Variants in SP110 observed in about 807,000 individuals in gnomAD.
SP110 encodes the protein SP110 nuclear body protein.
SP110 carries 62 observed loss-of-function variants against 92.7 expected under a neutral mutation model. The ratio of observed to expected loss-of-function variants is 0.67; its 90% CI spans 0.55 to 0.83. SP110 has a LOEUF of 0.83. SP110 is among the 40% of genes least tolerant of loss of function. The probability of loss-of-function intolerance (pLI) is 0.00; values close to 1 mark genes in which losing one functional copy is unlikely to be tolerated. For missense variants in SP110, 793 were observed against 863.9 expected (o/e 0.92, Z 1.03); for synonymous variants, 273 against 305.3 (o/e 0.89, Z 1.10).
rs1553839905 is a variant in SP110, at chr2:230,168,917, A to ATTTTTTTT, written c.*199_*206dup. On this transcript the variant is annotated 3_prime_UTR_variant, in exon 19 of 19. Transcript: ENST00000258381. ...ATCTGATGGTATTAAGGAAGTATTA[A>ATTTTTTTT]TTTTTTTTTTTTTTAGTGTAGATAT... The ATTTTTTTT allele has an allele frequency of 6.5e-3, 2,766 of 425,040 alleles. 51 individuals are homozygous for ATTTTTTTT. Among genetic ancestry groups the ATTTTTTTT allele is most frequent in the Middle Eastern group, 0.015 (22 of 1,428 alleles). 26.3% of individuals were successfully genotyped at this position (425,040 alleles called of 1,614,324 possible). A position where few individuals can be genotyped will look rare whatever the true frequency, so the allele number is the denominator to read the frequency against.
At chr2:230,223,461 C>T (rs988294753), upstream of SP110, among the ~76,000 whole-genome samples, 5 of 152,282 alleles carry the variant, frequency 3.3e-5, no homozygotes, top group African/African-American at 1.2e-4. Context: ...TCTGGCTTTC[C>T]CATACATTCT....
At chr2:230,169,282 T>G in intron 18 of SP110, 45 bp from the exon 19 acceptor site, 1 of 1,048,752 alleles carries the variant, frequency 9.5e-7, no homozygotes, top group Non-Finnish European at 1.5e-6. Context: ...GATGAAGGAT[T>G]ACAGCCATCA....
intron 10 of SP110, among the ~76,000 whole-genome samples, chr2:230,198,360 A>G (rs950451753): frequency 1.3e-5 from 2 of 152,134 alleles, no homozygotes; most frequent in Non-Finnish European, 2.9e-5. Flanking sequence ...GGAGCTTTCC[A>G]AGTGTCTGGG....
intron 4 of SP110, 25 bp from the exon 5 acceptor site, chr2:230,212,455 C>A: frequency 6.5e-7 from 1 of 1,531,570 alleles, no homozygotes; most frequent in Non-Finnish European, 9.1e-7. Flanking sequence ...GAAATTATTA[C>A]AGATTGCAGG....
At chr2:230,172,225 C>T in intron 15 of SP110, 51 bp from the exon 16 acceptor site, 2 of 1,151,742 alleles carry the variant, frequency 1.7e-6, no homozygotes, top group Non-Finnish European at 1.3e-6. Flanking sequence ...TGGAAATGGC[C>T]ACCATTCCTG....
rs1353276974 is a variant in SP110, at chr2:230,172,049, G to A, written c.1815+17C>T. ...GAGAAGGGAAAAGTATAGGTTTGGG[G>A]TTTGCATCCAACTCACCAGCTGGTC... On this transcript the variant is annotated intron_variant, in intron 16 of 18. Coordinates refer to ENST00000258381, the MANE Select transcript of SP110 (RefSeq NM_080424.4). The A allele has an allele frequency of 1.3e-5, 19 of 1,446,338 alleles. No homozygotes were observed. Among genetic ancestry groups the A allele is most frequent in the Non-Finnish European group, 1.8e-5 (18 of 1,026,378 alleles). 89.6% of individuals were successfully genotyped at this position (1,446,338 alleles called of 1,614,324 possible). A position where few individuals can be genotyped will look rare whatever the true frequency, so the allele number is the denominator to read the frequency against.
chr2:230,211,612 GGAGAA>G lies in SP110; in HGVS notation c.668-64_668-60del, dbSNP rs2044487799. 1 of 1,018,304 alleles carries G rather than the reference GGAGAA, an allele frequency of 9.8e-7. No individual in the cohort carries two copies. The allele number at this position is 1,018,304 out of a possible 1,614,324, so 63.1% of individuals were successfully genotyped here. ...GAACAGCAAGCAGGGACCAGAATGA[GGAGAA>G]AAGAGAATGCTCTATTCCAACAAGT... is the stretch of plus-strand genomic sequence containing the variant. On this transcript the variant is annotated intron_variant, in intron 5 of 18. Transcript: ENST00000258381. The surrounding 1 kb of genome is among the most constrained non-coding windows in gnomAD (Gnocchi z 4.2).
intron 9 of SP110, 78 bp downstream of exon 9, chr2:230,202,501 A>G (rs2148860511): frequency 7.2e-7 from 1 of 1,382,494 alleles, no homozygotes; most frequent in Non-Finnish European, 1.0e-6. Flanking sequence ...TTACATATCT[A>G]CTTAACTCTG....
Position 230,179,921 on chromosome 2 carries a change from C to T in SP110, c.1349-1666G>A, listed in dbSNP as rs541515341. Among the ~76,000 whole-genome samples, 31 of 152,194 alleles carry T rather than the reference C, an allele frequency of 2.0e-4. No homozygotes were observed. The South Asian group carries it at 6.0e-3, about 30-fold the overall frequency. Reference sequence around the variant, plus strand: ...TCAAGTGAGGTGGGGCCTTTAGACCCGAGGACTTCCAAAGCCAACTGTCCT... The same window carrying T: ...TCAAGTGAGGTGGGGCCTTTAGACCTGAGGACTTCCAAAGCCAACTGTCCT... On this transcript the variant is annotated intron_variant, in intron 12 of 18. Transcript: ENST00000258381.
chr2:230,206,962 T>TA (rs2043931051), intron 8 of SP110, among the ~76,000 whole-genome samples: 1 of 152,050 alleles, frequency 6.6e-6, no homozygotes, highest in African/African-American at 2.4e-5. Context: ...ACTGGAGTGG[T>TA]CTTTCCCTAG....
At position 230,199,485 on chromosome 2, in the gene SP110, A is replaced by G. The variant is rs957631350; in HGVS notation, c.1129+1400T>C. Among the ~76,000 whole-genome samples, 20 of 152,156 alleles carry G rather than the reference A, an allele frequency of 1.3e-4. No individual in the cohort carries two copies. In the East Asian group the frequency reaches 3.7e-3, roughly 28 times the overall value. On this transcript the variant is annotated intron_variant, in intron 10 of 18. Coordinates refer to ENST00000258381, the MANE Select transcript of SP110 (RefSeq NM_080424.4). ...CAGCTTCCCAAAGTGCTGGGATTAT[A>G]GGCATGAGCCACTGTGCTGGGCCAG...
chr2:230,172,789 C>A, intron 15 of SP110, 55 bp downstream of exon 15: 1 of 1,223,598 alleles, frequency 8.2e-7, no homozygotes, highest in South Asian at 1.2e-5. Flanking sequence ...AGGTCCTGCC[C>A]TTTCCATCTG....
At chr2:230,176,538 A>T in intron 14 of SP110, 2 of 1,592,280 alleles carry the variant, frequency 1.3e-6, no homozygotes, top group South Asian at 1.1e-5. Flanking sequence ...AACTATGCAA[A>T]TTAATTGTTT....
In SP110 at chr2:230,178,249, G is replaced by T; in HGVS notation, c.1355C>A (p.Pro452His). The change falls in exon 13 of 19, where the codon CCC becomes CAC. Residue 452 changes from proline to histidine, a missense_variant. Pro to His is a moderately conservative substitution (Grantham distance 77, BLOSUM62 -2). Coordinates refer to ENST00000258381, the MANE Select transcript of SP110 (RefSeq NM_080424.4). Reference protein sequence around the residue: ...FQKNIHRRGKPKSDTVDFHCS... With the variant: ...FQKNIHRRGKHKSDTVDFHCS... The stretch of plus-strand genomic sequence containing the variant: ...GTGAAAATCCACAGTGTCACTTTTG[G>T]GTTTTCCTTAAAGTAGAAGAGAACA... 1 of 1,607,880 alleles carries T rather than the reference G, an allele frequency of 6.2e-7. No individual in the cohort carries two copies. The highest frequency in any genetic ancestry group is 8.5e-7 in the Non-Finnish European group (1 of 1,174,820).
At chr2:230,180,513 G>A (rs910258465) in intron 12 of SP110, among the ~76,000 whole-genome samples, 4 of 152,254 alleles carry the variant, frequency 2.6e-5, no homozygotes, top group Non-Finnish European at 2.9e-5. Flanking sequence ...TCATCTATCC[G>A]CATAACAATG....
At chr2:230,210,152 T>C in intron 6 of SP110, 144 bp from the exon 7 acceptor site, 1 of 733,002 alleles carries the variant, frequency 1.4e-6, no homozygotes, top group Non-Finnish European at 2.5e-6. Context: ...TCCCTGGCTC[T>C]GTCTTGATTT....
intron 9 of SP110, among the ~76,000 whole-genome samples, chr2:230,201,398 T>C (rs1335947819): frequency 6.6e-6 from 1 of 152,244 alleles, no homozygotes; most frequent in Non-Finnish European, 1.5e-5. Flanking sequence ...ATAAAACTGC[T>C]GGTGCCTTAA....
At chr2:230,181,783 A>G (rs1416689516) in intron 12 of SP110, among the ~76,000 whole-genome samples, 2 of 152,256 alleles carry the variant, frequency 1.3e-5, no homozygotes, top group Non-Finnish European at 2.9e-5. Flanking sequence ...AATGGCGATT[A>G]TTAAAAAGTT....
Position 230,199,486 on chromosome 2 carries a change from G to C in SP110, c.1129+1399C>G, listed in dbSNP as rs193179847. ...AGCTTCCCAAAGTGCTGGGATTATA[G>C]GCATGAGCCACTGTGCTGGGCCAGC... On this transcript the variant is annotated intron_variant, in intron 10 of 18. Coordinates refer to ENST00000258381, the MANE Select transcript of SP110 (RefSeq NM_080424.4). Among the ~76,000 whole-genome samples the C allele has an allele frequency of 1.4e-4, 21 of 152,092 alleles. No homozygotes were observed. The East Asian group carries it at 4.0e-3, about 29-fold the overall frequency.
Sources: allele counts gnomAD v4.1 joint callset (sites outside exome capture counted in the v4.1 genomes callset), GRCh38; gene constraint gnomAD v4.1.1; non-coding constraint Gnocchi (gnomAD v3.1); transcripts MANE v1.5; gene names NCBI Gene and HGNC (gene_info 2026-07-23, HGNC 2026-07-21).